The following MRPL35 variants were observed in gnomAD, a reference collection of about 807,000 sequenced individuals.
MRPL35 encodes the protein large ribosomal subunit protein bL35m.
In MRPL35, 18 loss-of-function variants were observed where a neutral mutation model predicts 21.6. That is an observed-to-expected ratio of 0.83 (90% CI 0.58 to 1.24). The LOEUF is 1.24. Among genes scored for constraint, MRPL35 ranks in the 50% most tolerant of loss-of-function variants. The pLI is 0.00. For synonymous variants in MRPL35, 87 were observed against 86.9 expected (o/e 1.00, Z -0.01); for missense variants, 223 against 223.2 (o/e 1.00, Z 0.01).
chr2:86,212,352 T>C lies in MRPL35; in HGVS notation c.*1684T>C. 1.2e-6 allele frequency: 2 copies of C among 1,611,608 alleles called. No homozygotes were observed. Among genetic ancestry groups the C allele is most frequent in the South Asian group, 2.2e-5 (2 of 90,636 alleles). The stretch of plus-strand genomic sequence containing the variant: ...ATAAATAAAGAACAGACATTTGATT[T>C]GAGGTGAGGTAAAAGCCTGAAACAT... On this transcript the variant is annotated 3_prime_UTR_variant, in exon 4 of 4. Transcript: ENST00000337109.
At chr2:86,208,906 C>T (rs1673852590) in intron 3 of MRPL35, among the ~76,000 whole-genome samples, 1 of 152,148 alleles carries the variant, frequency 6.6e-6, no homozygotes, top group Admixed American at 6.5e-5. Context: ...TTCCATGACA[C>T]GGTTTCATCC....
At chr2:86,199,862 A>C (rs745715032) in intron 1 of MRPL35, among the ~76,000 whole-genome samples, 1 of 152,252 alleles carries the variant, frequency 6.6e-6, no homozygotes, top group South Asian at 2.1e-4. Flanking sequence ...ACGACCTGCC[A>C]TTCACGACCT....
At position 86,212,136 on chromosome 2, in the gene MRPL35, TG is replaced by T; in HGVS notation, c.*1470del. On this transcript the variant is annotated 3_prime_UTR_variant, in exon 4 of 4. Transcript: ENST00000337109. ...AATTACTGTTTCAGATCCTTTAATG[TG>T]GTAGTTGGTAATAATAAGATGAAAT... 2 of 1,248,412 alleles carry T rather than the reference TG, an allele frequency of 1.6e-6. No individual in the cohort carries two copies. The highest frequency in any genetic ancestry group is 2.0e-6 in the Non-Finnish European group (2 of 992,948). The allele number at this position is 1,248,412 out of a possible 1,614,324, so 77.3% of individuals were successfully genotyped here. A position where few individuals can be genotyped will look rare whatever the true frequency, so the allele number is the denominator to read the frequency against.
In MRPL35 at chr2:86,212,118, G is replaced by A; in HGVS notation, c.*1450G>A. The stretch of plus-strand genomic sequence containing the variant: ...TAAATAGAATTATGCATGAATTACT[G>A]TTTCAGATCCTTTAATGTGGTAGTT... On this transcript the variant is annotated 3_prime_UTR_variant, in exon 4 of 4. Coordinates refer to ENST00000337109, the MANE Select transcript of MRPL35 (RefSeq NM_016622.4). 2.5e-6 allele frequency: 3 copies of A among 1,208,790 alleles called. No homozygotes were observed. The highest frequency in any genetic ancestry group is 3.1e-6 in the Non-Finnish European group (3 of 968,548). The allele number at this position is 1,208,790 out of a possible 1,614,324, so 74.9% of individuals were successfully genotyped here.
chr2:86,201,447 G>A (rs965177340), intron 1 of MRPL35, among the ~76,000 whole-genome samples: 1 of 151,992 alleles, frequency 6.6e-6, no homozygotes, highest in Non-Finnish European at 1.5e-5. Context: ...ATTTGTGTGT[G>A]TCCTTTAGCT....
chr2:86,210,421 A>G (rs1673879682), intron 3 of MRPL35, 59 bp from the exon 4 acceptor site: 1 of 1,397,776 alleles, frequency 7.2e-7, no homozygotes, highest in East Asian at 2.5e-5. Flanking sequence ...TGAGTTGTGA[A>G]GATACCTGTT....
chr2:86,213,637 C>A lies in MRPL35; in HGVS notation c.*2969C>A, dbSNP rs1457282551. 5 of 1,550,372 alleles carry A rather than the reference C, an allele frequency of 3.2e-6. No homozygotes were observed. Among genetic ancestry groups the A allele is most frequent in the East Asian group, 4.9e-5 (2 of 40,938 alleles). Reference sequence around the variant, plus strand: ...GTTGTCACCTGCACAGGCACTCCCCCATTTGCAGATGAAGAAATGTTCAGA... The same window carrying A: ...GTTGTCACCTGCACAGGCACTCCCCAATTTGCAGATGAAGAAATGTTCAGA... On this transcript the variant is annotated 3_prime_UTR_variant, in exon 4 of 4. Transcript: ENST00000337109.
Position 86,212,529 on chromosome 2 carries a change from A to G in MRPL35, c.*1861A>G. 6.3e-7 allele frequency: 1 copy of G among 1,597,582 alleles called. No individual in the cohort carries two copies. ...AGTGAGATGGAAATGGTGCCTGCAG[A>G]AGTTGGGGAGAAGGATACTTTTGCA... On this transcript the variant is annotated 3_prime_UTR_variant, in exon 4 of 4. Coordinates refer to ENST00000337109, the MANE Select transcript of MRPL35 (RefSeq NM_016622.4).
At chr2:86,208,548 C>A (rs1434137833) in intron 3 of MRPL35, among the ~76,000 whole-genome samples, 1 of 152,172 alleles carries the variant, frequency 6.6e-6, no homozygotes, top group Non-Finnish European at 1.5e-5. Context: ...CTTAAGTGAT[C>A]CACCTGTCTC....
In MRPL35 at chr2:86,212,485, C is replaced by G. The variant is rs1673925801; in HGVS notation, c.*1817C>G. On this transcript the variant is annotated 3_prime_UTR_variant, in exon 4 of 4. Transcript: ENST00000337109. The stretch of plus-strand genomic sequence containing the variant: ...CTTTGTCACCTGCCTGGCTCCTGCT[C>G]TCTGATGTACCTCTGGGTAGTGAGA... 6.2e-7 allele frequency: 1 copy of G among 1,613,038 alleles called. No homozygotes were observed. The highest frequency in any genetic ancestry group is 1.3e-5 in the African/African-American group (1 of 74,982).
At chr2:86,205,750 A>G (rs1169905110) in intron 1 of MRPL35, among the ~76,000 whole-genome samples, 1 of 152,118 alleles carries the variant, frequency 6.6e-6, no homozygotes, top group South Asian at 2.1e-4. Context: ...CTGACCTGCC[A>G]TTGTACTGTG....
At chr2:86,201,501 CT>C (rs1271263401) in intron 1 of MRPL35, among the ~76,000 whole-genome samples, 2 of 151,974 alleles carry the variant, frequency 1.3e-5, no homozygotes, top group Non-Finnish European at 2.9e-5. Context: ...TTGGAGTGCC[CT>C]TTGACGAAAA....
At chr2:86,205,128 G>T (rs977660083) in intron 1 of MRPL35, among the ~76,000 whole-genome samples, 13 of 152,168 alleles carry the variant, frequency 8.5e-5, no homozygotes, top group African/African-American at 3.1e-4. Context: ...AGGAGGCTGA[G>T]GTGGGAAGAT....
intron 3 of MRPL35, among the ~76,000 whole-genome samples, chr2:86,208,304 T>G (rs979550922): frequency 1.2e-4 from 17 of 144,424 alleles, no homozygotes; most frequent in Non-Finnish European, 2.1e-4. Context: ...TGTGTATGTG[T>G]TTTTTTTTTT....
chr2:86,201,177 TCACCAA>T, intron 1 of MRPL35, among the ~76,000 whole-genome samples: 1 of 152,332 alleles, frequency 6.6e-6, no homozygotes, highest in South Asian at 2.1e-4. Flanking sequence ...CCCCACATCC[TCACCAA>T]CACCTGATAT....
chr2:86,210,415 T>C, intron 3 of MRPL35, 65 bp from the exon 4 acceptor site: 1 of 1,354,126 alleles, frequency 7.4e-7, no homozygotes, highest in Non-Finnish European at 9.9e-7. Context: ...AAACCTTGAG[T>C]TGTGAAGATA....
chr2:86,204,453 T>C (rs1166605574), intron 1 of MRPL35, among the ~76,000 whole-genome samples: 1 of 29,982 alleles, frequency 3.3e-5, no homozygotes, highest in Non-Finnish European at 8.6e-5. Context: ...ATTAGTGCAT[T>C]TTTTTTTTTA....
intron 1 of MRPL35, among the ~76,000 whole-genome samples, chr2:86,202,908 G>A (rs570416779): frequency 1.3e-5 from 2 of 151,216 alleles, no homozygotes; most frequent in African/African-American, 2.4e-5. Context: ...CAAGCTGGTC[G>A]CAAACTCCTG....
Position 86,199,488 on chromosome 2 carries a change from A to C in MRPL35, c.-3A>C. ...AAAGCGGCCGCCGTAGGCGAAGGTG[A>C]AGATGGCTGCCTCTGCCTTTGCTGG... is the stretch of plus-strand genomic sequence containing the variant. On this transcript the variant is annotated 5_prime_UTR_variant, in exon 1 of 4. Coordinates refer to ENST00000337109, the MANE Select transcript of MRPL35 (RefSeq NM_016622.4). The C allele has an allele frequency of 6.2e-7, 1 of 1,614,158 alleles. No individual in the cohort carries two copies. The highest frequency in any genetic ancestry group is 2.2e-5 in the East Asian group (1 of 44,880).
Sources: gnomAD v4.1 joint callset for allele counts (sites outside exome capture counted in the v4.1 genomes callset) on GRCh38, gnomAD v4.1.1 for gene constraint, MANE v1.5 for transcripts, NCBI Gene and HGNC (gene_info 2026-07-23, HGNC 2026-07-21) for gene names.